The following PTPRD variants were observed in gnomAD, a reference collection of about 807,000 sequenced individuals.
PTPRD encodes receptor-type tyrosine-protein phosphatase delta.
A neutral mutation model predicts 214.5 loss-of-function variants in PTPRD; 34 were observed. The ratio of observed to expected loss-of-function variants is 0.16; its 90% CI spans 0.12 to 0.21. The LOEUF is 0.21. Ranked by LOEUF, PTPRD falls within the 10% of genes least tolerant of loss-of-function variation. PTPRD has a pLI of 1.00. For synonymous variants in PTPRD, 1,128 were observed against 845.7 expected, an observed-to-expected ratio of 1.33 and a Z score of -5.79; for missense variants, 2,545 against 2,398.7, an observed-to-expected ratio of 1.06 and a Z score of -1.27.
intron 10 of PTPRD, among the ~76,000 whole-genome samples, chr9:9,055,381 C>T (rs1590687014): frequency 6.6e-6 from 1 of 152,136 alleles, no homozygotes; most frequent in East Asian, 1.9e-4. Flanking sequence ...TGCACATATA[C>T]TTCAAAAACT....
intron 39 of PTPRD, among the ~76,000 whole-genome samples, chr9:8,347,220 G>A (rs1386390473): frequency 1.3e-5 from 2 of 152,038 alleles, no homozygotes; most frequent in African/African-American, 2.4e-5. Flanking sequence ...TCTCCCCAGA[G>A]AGCAGGTTTT....
chr9:10,350,445 T>C (rs894932628), intron 2 of PTPRD, among the ~76,000 whole-genome samples: 9 of 152,086 alleles, frequency 5.9e-5, no homozygotes, highest in African/African-American at 1.7e-4. Context: ...TTATTATTAA[T>C]AGTATACAAT....
intron 2 of PTPRD, among the ~76,000 whole-genome samples, chr9:10,415,757 G>GC (rs1478881545): frequency 6.6e-6 from 1 of 151,868 alleles, no homozygotes; most frequent in African/African-American, 2.4e-5. Flanking sequence ...AAAGAAGACA[G>GC]ATCAGAGAAA....
At chr9:9,890,282 C>G (rs1383216437) in intron 5 of PTPRD, among the ~76,000 whole-genome samples, 1 of 151,952 alleles carries the variant, frequency 6.6e-6, no homozygotes, top group East Asian at 1.9e-4. Context: ...ACTGTAGCCT[C>G]CACTTCCTGG....
chr9:9,211,416 G>C (rs1299477329), intron 9 of PTPRD, among the ~76,000 whole-genome samples: 2 of 151,818 alleles, frequency 1.3e-5, no homozygotes, highest in Non-Finnish European at 2.9e-5. Context: ...GAAGAGTGTT[G>C]GGCATATTTT....
rs1303241872 is a variant in PTPRD at position 10,511,318 on chromosome 9, T to C, written c.-600+101080A>G. Among the ~76,000 whole-genome samples, 4 of 152,274 alleles carry C rather than the reference T, an allele frequency of 2.6e-5. No individual in the cohort carries two copies. The East Asian group carries it at 5.8e-4, about 22-fold the overall frequency. Reference sequence around the variant, plus strand: ...ATTGCCAGGTCAGAAGATAGGTGTATCTTTAATGTTACTAGAAACTGCCAA... The same window carrying C: ...ATTGCCAGGTCAGAAGATAGGTGTACCTTTAATGTTACTAGAAACTGCCAA... On this transcript the variant is annotated intron_variant, in intron 2 of 45. Transcript: ENST00000381196.
At chr9:10,205,423 T>C (rs990406623) in intron 3 of PTPRD, among the ~76,000 whole-genome samples, 2 of 151,872 alleles carry the variant, frequency 1.3e-5, no homozygotes, top group African/African-American at 2.4e-5. Context: ...TCTATTTTCC[T>C]GAGACAGAGT....
chr9:9,487,043 T>A (rs1402630410), intron 8 of PTPRD, among the ~76,000 whole-genome samples: 1 of 152,132 alleles, frequency 6.6e-6, no homozygotes, highest in Non-Finnish European at 1.5e-5. Context: ...AGCAAACCAG[T>A]CATTACTCAT....
At chr9:9,609,145 G>A (rs577140481) in intron 7 of PTPRD, among the ~76,000 whole-genome samples, 19 of 152,004 alleles carry the variant, frequency 1.2e-4, no homozygotes, top group South Asian at 6.2e-4. Context: ...CTATATTCTC[G>A]TAGTGATTAT....
rs139913975 is a variant in PTPRD, at chr9:9,437,732, G to GTGATT, written c.-236-40255_-236-40251dup. On this transcript the variant is annotated intron_variant, in intron 8 of 45. Coordinates refer to ENST00000381196, the MANE Select transcript of PTPRD (RefSeq NM_002839.4). The stretch of plus-strand genomic sequence containing the variant: ...TCCATGGTGGTATATCTAGAGCAGT[G>GTGATT]TGATTTGACACGGGACTGAGATCTG... Among the ~76,000 whole-genome samples, 281 of 152,252 alleles carry GTGATT rather than the reference G, an allele frequency of 1.8e-3. 12 individuals are homozygous for GTGATT. In the East Asian group the frequency reaches 0.049, roughly 26 times the overall value.
At chr9:9,240,776 G>A (rs1455746748) in intron 9 of PTPRD, among the ~76,000 whole-genome samples, 1 of 151,894 alleles carries the variant, frequency 6.6e-6, no homozygotes, top group Non-Finnish European at 1.5e-5. Context: ...ATATAATTTT[G>A]GTTATTACAT....
intron 3 of PTPRD, among the ~76,000 whole-genome samples, chr9:10,211,215 T>C (rs1032621121): frequency 1.3e-5 from 2 of 151,998 alleles, no homozygotes; most frequent in Non-Finnish European, 2.9e-5. Flanking sequence ...TAGAAGTTCA[T>C]AGCAACAGAA....
intron 14 of PTPRD, among the ~76,000 whole-genome samples, chr9:8,584,717 G>C (rs1432480002): frequency 6.6e-6 from 1 of 152,130 alleles, no homozygotes; most frequent in East Asian, 1.9e-4. Flanking sequence ...AAATAATCCA[G>C]TACTGTATTA....
chr9:8,943,620 T>G (rs2099046694), intron 11 of PTPRD, among the ~76,000 whole-genome samples: 1 of 151,240 alleles, frequency 6.6e-6, no homozygotes. Flanking sequence ...TAATTTATTT[T>G]TAACCATTTA....
intron 8 of PTPRD, among the ~76,000 whole-genome samples, chr9:9,551,837 T>C (rs557363448): frequency 6.6e-6 from 1 of 152,042 alleles, no homozygotes; most frequent in South Asian, 2.1e-4. Context: ...TAATTTAGGA[T>C]ACTGTAAGTT....
intron 12 of PTPRD, among the ~76,000 whole-genome samples, chr9:8,730,896 C>T (rs1204009140): frequency 1.3e-5 from 2 of 151,694 alleles, no homozygotes; most frequent in Non-Finnish European, 2.9e-5. Flanking sequence ...ACTGTCCAGA[C>T]ATGCATTCAA....
intron 5 of PTPRD, among the ~76,000 whole-genome samples, chr9:9,924,842 T>C (rs1038126770): frequency 6.6e-6 from 1 of 152,114 alleles, no homozygotes; most frequent in African/African-American, 2.4e-5. Context: ...CTACTTTTTA[T>C]GAAATTTGTT....
At chr9:10,203,070 T>C (rs2099437947) in intron 3 of PTPRD, among the ~76,000 whole-genome samples, 1 of 151,980 alleles carries the variant, frequency 6.6e-6, no homozygotes, top group African/African-American at 2.4e-5. Flanking sequence ...GATATACGTG[T>C]ACTTCTCTTG....
At chr9:8,925,284 G>A (rs955076562) in intron 11 of PTPRD, among the ~76,000 whole-genome samples, 3 of 152,002 alleles carry the variant, frequency 2.0e-5, no homozygotes, top group Middle Eastern at 3.2e-3. Flanking sequence ...TACATTAAAG[G>A]GTGCTCTTAT....
Sources: gnomAD v4.1 joint callset for allele counts (sites outside exome capture counted in the v4.1 genomes callset) on GRCh38, gnomAD v4.1.1 for gene constraint, MANE v1.5 for transcripts, NCBI Gene and HGNC (gene_info 2026-07-23, HGNC 2026-07-21) for gene names.